C3orf18: variants seen among roughly 807,000 people sequenced by gnomAD.
The protein encoded by C3orf18 is chromosome 3 open reading frame 18.
A neutral mutation model predicts 14.1 loss-of-function variants in C3orf18; 12 were observed. The ratio of observed to expected loss-of-function variants is 0.85; its 90% CI spans 0.55 to 1.38. The LOEUF (loss-of-function observed/expected upper bound fraction) is 1.38, where lower values mean the gene tolerates loss of function less well. Ranked by LOEUF, C3orf18 falls within the 40% of genes most tolerant of loss-of-function variation. C3orf18 has a pLI of 0.00. For synonymous variants in C3orf18, 82 were observed against 87.9 expected (o/e 0.93, Z 0.38); for missense variants, 196 against 213.9 (o/e 0.92, Z 0.52).
At chr3:50,568,913 T>C (rs1465655724), upstream of C3orf18, among the ~76,000 whole-genome samples, 1 of 152,064 alleles carries the variant, frequency 6.6e-6, no homozygotes, top group Non-Finnish European at 1.5e-5. Context: ...AGAGTCAAGA[T>C]TCGAATCGGT....
chr3:50,568,368 C>T (rs912607361), upstream of C3orf18, among the ~76,000 whole-genome samples: 11 of 152,212 alleles, frequency 7.2e-5, no homozygotes, highest in African/African-American at 2.6e-4. Flanking sequence ...ACCGGGTAGC[C>T]TGGTACAAAT....
rs113250784 is a variant in C3orf18, at chr3:50,565,491, G to A, written c.209C>T (p.Thr70Met). The change falls in exon 3 of 6, where the codon ACG becomes ATG. Residue 70 changes from threonine to methionine, a missense_variant. Transcript: ENST00000357203. This position sits in a 1 kb window ranked among gnomAD's most constrained non-coding sequence, Gnocchi z 4.4. ...GTMLLSFGIITVIGLAVALVL... is the reference protein window; with the variant it reads ...GTMLLSFGIIMVIGLAVALVL... ...CAAGGCCACAGCCAGGCCTATCACCGTGATGATCCCAAAGGACAGAAGCAT... is the reference window on the plus strand; with the variant it reads ...CAAGGCCACAGCCAGGCCTATCACCATGATGATCCCAAAGGACAGAAGCAT... 5.3e-5 allele frequency: 86 copies of A among 1,613,942 alleles called. 3 individuals carry two copies. In the African/African-American group the frequency reaches 5.5e-4, roughly 10 times the overall value.
upstream of C3orf18, among the ~76,000 whole-genome samples, chr3:50,568,785 T>A (rs1364205313): frequency 2.0e-5 from 3 of 151,392 alleles, no homozygotes; most frequent in Non-Finnish European, 4.4e-5. Context: ...GTGTTCTAGT[T>A]AACAGTACTT....
At chr3:50,561,463 T>TC (rs1191580108) in intron 4 of C3orf18, among the ~76,000 whole-genome samples, 1 of 152,088 alleles carries the variant, frequency 6.6e-6, no homozygotes, top group Non-Finnish European at 1.5e-5. Context: ...ATCCCAGCCT[T>TC]CCCCCTCCCT....
At position 50,558,126 on chromosome 3, in the gene C3orf18, G is replaced by A. The variant is rs947753503; in HGVS notation, c.*1531C>T. ...CCTGAATTCCTGGCAGCCTCCAGTC[G>A]ACTCAAGTGCTAACGTATTTATAGC... On this transcript the variant is annotated 3_prime_UTR_variant, in exon 6 of 6. Coordinates refer to ENST00000357203, the MANE Select transcript of C3orf18 (RefSeq NM_016210.5). 1 of 153,148 alleles carries A rather than the reference G, an allele frequency of 6.5e-6. No homozygotes were observed. The highest frequency in any genetic ancestry group is 2.1e-4 in the South Asian group (1 of 4,850). The allele number at this position is 153,148 out of a possible 1,614,324, so 9.5% of individuals were successfully genotyped here.
intron 3 of C3orf18, chr3:50,562,346 C>T (rs1328810440): frequency 5.1e-6 from 2 of 394,346 alleles, no homozygotes; most frequent in African/African-American, 4.2e-5. Flanking sequence ...CCAATACTAA[C>T]TGTAGCTCCA....
At chr3:50,561,212 G>C in intron 4 of C3orf18, 148 bp from the exon 5 acceptor site, 1 of 903,114 alleles carries the variant, frequency 1.1e-6, no homozygotes, top group East Asian at 2.6e-5. Context: ...AAAAATGACA[G>C]ACATTTTTGC....
upstream of C3orf18, chr3:50,571,839 G>C: frequency 6.3e-7 from 1 of 1,583,862 alleles, no homozygotes; most frequent in Non-Finnish European, 8.7e-7. Context: ...GATGTGTTCA[G>C]GGAGCAGCAG....
chr3:50,563,833 G>A (rs1258982797), intron 3 of C3orf18, among the ~76,000 whole-genome samples: 1 of 152,248 alleles, frequency 6.6e-6, no homozygotes, highest in Non-Finnish European at 1.5e-5. Context: ...GTAAGAGAGC[G>A]TTCTCAAGTT....
chr3:50,559,401 C>T lies in C3orf18; in HGVS notation c.*256G>A, dbSNP rs1028830696. 40 of 1,371,188 alleles carry T rather than the reference C, an allele frequency of 2.9e-5. No homozygotes were observed. The African/African-American group carries it at 4.7e-4, about 16-fold the overall frequency. 84.9% of individuals were successfully genotyped at this position (1,371,188 alleles called of 1,614,324 possible). A position where few individuals can be genotyped will look rare whatever the true frequency, so the allele number is the denominator to read the frequency against. Reference sequence around the variant, plus strand: ...GAAGCCAGCAGAGGCTCTTGACCTTCTCAGCATGAGGGATGCCCTCTGTGC... The same window carrying T: ...GAAGCCAGCAGAGGCTCTTGACCTTTTCAGCATGAGGGATGCCCTCTGTGC... On this transcript the variant is annotated 3_prime_UTR_variant, in exon 6 of 6. Transcript: ENST00000357203.
chr3:50,573,611 A>G (rs1235710904), upstream of C3orf18, among the ~76,000 whole-genome samples: 2 of 151,922 alleles, frequency 1.3e-5, no homozygotes, highest in East Asian at 3.9e-4. Flanking sequence ...AGATGCTGCG[A>G]TTGGGAGGCC....
At chr3:50,560,241 G>C (rs1401437303) in intron 5 of C3orf18, among the ~76,000 whole-genome samples, 1 of 152,228 alleles carries the variant, frequency 6.6e-6, no homozygotes, top group African/African-American at 2.4e-5. Context: ...GACGCAAAGA[G>C]GCTGGATAAG....
chr3:50,574,263 ACCAGCGTTAG>A (rs1701331504), upstream of C3orf18, among the ~76,000 whole-genome samples: 3 of 152,216 alleles, frequency 2.0e-5, no homozygotes, highest in South Asian at 6.2e-4. Flanking sequence ...CGAAAGAGCC[ACCAGCGTTAG>A]GCTGAGGGAG....
At chr3:50,560,577 A>T (rs1365084505) in intron 5 of C3orf18, among the ~76,000 whole-genome samples, 1 of 152,104 alleles carries the variant, frequency 6.6e-6, no homozygotes, top group African/African-American at 2.4e-5. Context: ...TACTTTCCTA[A>T]CCAGTACGTG....
At position 50,559,061 on chromosome 3, in the gene C3orf18, C is replaced by A; in HGVS notation, c.*596G>T. ...CCAAGGATGGGTGGCTGGGAGACCT[C>A]CTGGACCCTCCGTAGTATGGATGGA... On this transcript the variant is annotated 3_prime_UTR_variant, in exon 6 of 6. Transcript: ENST00000357203. 7.8e-7 allele frequency: 1 copy of A among 1,289,844 alleles called. No homozygotes were observed. The highest frequency in any genetic ancestry group is 1.0e-6 in the Non-Finnish European group (1 of 988,874). 79.9% of individuals were successfully genotyped at this position (1,289,844 alleles called of 1,614,324 possible).
At position 50,565,432 on chromosome 3, in the gene C3orf18, T is replaced by C. The variant is rs1193124621; in HGVS notation, c.234+34A>G. 6.7e-7 allele frequency: 1 copy of C among 1,481,510 alleles called. No individual in the cohort carries two copies. The highest frequency in any genetic ancestry group is 1.1e-5 in the South Asian group (1 of 87,398). The allele number at this position is 1,481,510 out of a possible 1,614,324, so 91.8% of individuals were successfully genotyped here. ...TTAGGTTCTCTATAAATCTAAACAC[T>C]GATTATCCTCCCCCAGCCTACCCCA... is the stretch of plus-strand genomic sequence containing the variant. On this transcript the variant is annotated intron_variant, in intron 3 of 5. Transcript: ENST00000357203. The surrounding 1 kb of genome is among the most constrained non-coding windows in gnomAD (Gnocchi z 4.4).
chr3:50,560,840 G>A, intron 5 of C3orf18, 77 bp downstream of exon 5: 1 of 1,450,564 alleles, frequency 6.9e-7, no homozygotes. Flanking sequence ...CTAGAAAGCT[G>A]CATGAGAAAG....
At chr3:50,561,904 C>CTTT (rs35405680) in intron 3 of C3orf18, 157 bp from the exon 4 acceptor site, 49 of 599,514 alleles carry the variant, frequency 8.2e-5, no homozygotes, top group East Asian at 2.0e-4. Context: ...CTTCATGCCT[C>CTTT]TTTTTTTTTT....
chr3:50,571,617 GA>G (rs1700971133), upstream of C3orf18: 4 of 1,202,686 alleles, frequency 3.3e-6, no homozygotes, highest in Non-Finnish European at 3.7e-6. Flanking sequence ...TGGGCCTCCA[GA>G]CCAGTGCTGG....
Sources: gnomAD v4.1 joint callset for allele counts (sites outside exome capture counted in the v4.1 genomes callset) on GRCh38, gnomAD v4.1.1 for gene constraint, Gnocchi (gnomAD v3.1) non-coding constraint, MANE v1.5 for transcripts, NCBI Gene and HGNC (gene_info 2026-07-23, HGNC 2026-07-21) for gene names.